VIT: variants seen among roughly 807,000 people sequenced by gnomAD.
VIT encodes the protein vitrin.
A neutral mutation model predicts 78.0 loss-of-function variants in VIT; 99 were observed. The ratio of observed to expected loss-of-function variants is 1.27; its 90% CI spans 1.08 to 1.50. The LOEUF is 1.50. Ranked by LOEUF, VIT falls within the 40% of genes most tolerant of loss-of-function variation. The pLI is 0.00. For synonymous variants in VIT, 374 were observed against 334.3 expected, an observed-to-expected ratio of 1.12 and a Z score of -1.29; for missense variants, 1,126 against 875.3, an observed-to-expected ratio of 1.29 and a Z score of -3.61.
At chr2:36,790,145 A>C (rs1665385929) in intron 12 of VIT, among the ~76,000 whole-genome samples, 2 of 152,232 alleles carry the variant, frequency 1.3e-5, no homozygotes, top group Non-Finnish European at 2.9e-5. Flanking sequence ...CATTTACAAA[A>C]TGCAACACAT....
At chr2:36,771,532 AAAAAAG>A (rs964022649) in intron 7 of VIT, among the ~76,000 whole-genome samples, 21 of 151,738 alleles carry the variant, frequency 1.4e-4, no homozygotes, top group Admixed American at 7.2e-4. Context: ...TCTCAAAAAA[AAAAAAG>A]AAAAAGAAAA....
chr2:36,814,257 A>G lies in VIT; in HGVS notation c.1978A>G (p.Arg660Gly), dbSNP rs200569454. The G allele has an allele frequency of 1.5e-4, 241 of 1,614,246 alleles. 2 individuals carry two copies. In the East Asian group the frequency reaches 2.2e-3, roughly 15 times the overall value. Residue 660 changes from arginine (R) to glycine (G), a missense_variant, in exon 16 of 16, where the codon AGA becomes GGA. Coordinates refer to ENST00000379242, the MANE Select transcript of VIT (RefSeq NM_053276.4). ...AGAAGTCATTGCCACTCACCCCGCC[A>G]GAGACCACTCCTTCTTTGTGGACGA... The part of the protein sequence containing the change: ...ELEVIATHPA[R>G]DHSFFVDEFD...
intron 12 of VIT, among the ~76,000 whole-genome samples, chr2:36,794,954 C>T (rs1280392710): frequency 6.6e-6 from 1 of 152,012 alleles, no homozygotes; most frequent in African/African-American, 2.4e-5. Context: ...GTAATAGAAG[C>T]AAGGGGTGGT....
Position 36,767,227 on chromosome 2 carries a change from T to C in VIT, c.621T>C (p.Ala207=). 2 of 1,604,768 alleles carry C rather than the reference T, an allele frequency of 1.2e-6. No homozygotes were observed. The highest frequency in any genetic ancestry group is 2.7e-5 in the African/African-American group (2 of 74,694). Residue 207 remains alanine (A), a synonymous_variant, in exon 7 of 16, where the codon GCT becomes GCC. Coordinates refer to ENST00000379242, the MANE Select transcript of VIT (RefSeq NM_053276.4). ...CCTTGCCAAGGCCATCCCCTTCTGCTGCTTCTACCACCAGCATCCCCAGAC... is the reference window on the plus strand; with the variant it reads ...CCTTGCCAAGGCCATCCCCTTCTGCCGCTTCTACCACCAGCATCCCCAGAC... ...PTTLPRPSPS[A]ASTTSIPRPQ...
chr2:36,780,378 A>G (rs993596986), intron 9 of VIT, among the ~76,000 whole-genome samples: 4 of 152,196 alleles, frequency 2.6e-5, no homozygotes, highest in Non-Finnish European at 5.9e-5. Context: ...CCAGCAGCAC[A>G]TTTTTTTAGG....
In VIT at chr2:36,814,219, C is replaced by G; in HGVS notation, c.1940C>G (p.Ala647Gly). Reference protein sequence around the residue: ...ITYAIGVAWAAQEELEVIATH... With the variant: ...ITYAIGVAWAGQEELEVIATH... Reference sequence around the variant, plus strand: ...TATGCGATAGGCGTTGCCTGGGCTGCCCAAGAGGAGCTAGAAGTCATTGCC... The same window carrying G: ...TATGCGATAGGCGTTGCCTGGGCTGGCCAAGAGGAGCTAGAAGTCATTGCC... The change falls in exon 16 of 16, where the codon GCC (alanine) becomes GGC (glycine). Residue 647 changes from alanine to glycine, a missense_variant. By Grantham distance (60) the Ala-to-Gly change is moderately conservative (BLOSUM62 0). Transcript: ENST00000379242. 1 of 1,614,206 alleles carries G rather than the reference C, an allele frequency of 6.2e-7. No individual in the cohort carries two copies. The highest frequency in any genetic ancestry group is 1.3e-5 in the African/African-American group (1 of 75,064).
chr2:36,726,185 C>T (rs761574147), intron 2 of VIT, among the ~76,000 whole-genome samples: 50 of 151,868 alleles, frequency 3.3e-4, no homozygotes, highest in Non-Finnish European at 5.4e-4. Context: ...AATAATGGAT[C>T]GATGCAAAGA....
chr2:36,810,937 G>T (rs1382250486), intron 15 of VIT, among the ~76,000 whole-genome samples: 2 of 152,134 alleles, frequency 1.3e-5, no homozygotes, highest in African/African-American at 4.8e-5. Context: ...CCTGGCTTCT[G>T]TGCCTACATT....
chr2:36,766,762 C>T (rs1310066107), intron 6 of VIT, among the ~76,000 whole-genome samples: 1 of 151,076 alleles, frequency 6.6e-6, no homozygotes, highest in Non-Finnish European at 1.5e-5. Flanking sequence ...AAAACAAAAA[C>T]AAAAAAAAAT....
chr2:36,731,816 G>A (rs10179564), intron 3 of VIT, among the ~76,000 whole-genome samples: 6,774 of 152,208 alleles, frequency 0.045, 543 homozygotes, highest in African/African-American at 0.16. Context: ...AACATTCTGT[G>A]CTCTCCACAA....
At chr2:36,812,930 G>T (rs1464915710) in intron 15 of VIT, among the ~76,000 whole-genome samples, 1 of 143,756 alleles carries the variant, frequency 7.0e-6, no homozygotes, top group South Asian at 2.2e-4. Flanking sequence ...GTGCCATCTC[G>T]GCTCACTGCA....
intron 10 of VIT, 138 bp downstream of exon 10, chr2:36,781,909 T>A (rs1048274897): frequency 3.8e-6 from 4 of 1,058,066 alleles, no homozygotes; most frequent in Non-Finnish European, 5.6e-6. Context: ...GCCTCTGATT[T>A]AAGGGTCCTA....
chr2:36,757,381 A>AC (rs200450654), intron 5 of VIT, among the ~76,000 whole-genome samples: 2 of 151,894 alleles, frequency 1.3e-5, no homozygotes, highest in Non-Finnish European at 2.9e-5. Context: ...TCAGTGAGGG[A>AC]CCCCCTAATA....
intron 13 of VIT, among the ~76,000 whole-genome samples, chr2:36,802,823 A>C (rs924040116): frequency 4.6e-5 from 7 of 152,186 alleles, no homozygotes; most frequent in African/African-American, 1.7e-4. Flanking sequence ...GAATCCGTTC[A>C]ACTGATTCCA....
chr2:36,707,645 T>C lies in VIT; in HGVS notation c.-18-8708T>C, dbSNP rs372055941. 1.3e-3 allele frequency among the ~76,000 whole-genome samples: 193 copies of C among 152,254 alleles called. 1 individual carries two copies. Among genetic ancestry groups the C allele is most frequent in the African/African-American group, 4.5e-3 (189 of 41,544 alleles). On this transcript the variant is annotated intron_variant, in intron 1 of 15. Transcript: ENST00000379242. ...TCTCAGTGGCCGGGCTGCACTGATT[T>C]CCTTTACCAAATCGGGATTCTGTTA...
At position 36,748,002 on chromosome 2, in the gene VIT, C is replaced by A. The variant is rs903814858; in HGVS notation, c.275+4746C>A. On this transcript the variant is annotated intron_variant, in intron 4 of 15. Coordinates refer to ENST00000379242, the MANE Select transcript of VIT (RefSeq NM_053276.4). ...TTATGAAGCTTAGCTTGGCAGAATA[C>A]GAAATTTTTGTTGGGATTTCTTTTC... 2.6e-5 allele frequency among the ~76,000 whole-genome samples: 4 copies of A among 152,140 alleles called. No homozygotes were observed. In the East Asian group the frequency reaches 5.8e-4, roughly 22 times the overall value.
intron 6 of VIT, chr2:36,759,606 G>A: frequency 2.0e-6 from 2 of 1,020,980 alleles, no homozygotes; most frequent in Non-Finnish European, 2.3e-6. Flanking sequence ...ATCAAGAACT[G>A]TACTATGCAT....
intron 4 of VIT, among the ~76,000 whole-genome samples, chr2:36,751,338 G>A (rs1219431664): frequency 6.6e-6 from 1 of 152,230 alleles, no homozygotes; most frequent in East Asian, 1.9e-4. Flanking sequence ...GGAGGTTGCA[G>A]TGAGCTGAGA....
intron 4 of VIT, among the ~76,000 whole-genome samples, chr2:36,748,446 T>C (rs1188591124): frequency 6.6e-6 from 1 of 152,230 alleles, no homozygotes; most frequent in Non-Finnish European, 1.5e-5. Context: ...AATTCTTTTT[T>C]CTTTATTTTT....
Sources: gnomAD v4.1 joint callset for allele counts (sites outside exome capture counted in the v4.1 genomes callset) on GRCh38, gnomAD v4.1.1 for gene constraint, MANE v1.5 for transcripts, NCBI Gene and HGNC (gene_info 2026-07-23, HGNC 2026-07-21) for gene names.